SSBP4: variants seen among roughly 807,000 people sequenced by gnomAD.
SSBP4 encodes single-stranded DNA-binding protein 4.
In SSBP4, 33 loss-of-function variants were observed where a neutral mutation model predicts 64.6. The observed-to-expected ratio is 0.51, with a 90% CI of 0.39 to 0.68. The LOEUF (loss-of-function observed/expected upper bound fraction) is 0.68, where lower values mean the gene tolerates loss of function less well. Ranked by LOEUF, SSBP4 falls within the 30% of genes least tolerant of loss-of-function variation. The probability of loss-of-function intolerance (pLI) is 0.00; values close to 1 mark genes in which losing one functional copy is unlikely to be tolerated. For missense variants in SSBP4, 583 were observed against 566.8 expected (o/e 1.03, Z -0.29); for synonymous variants, 243 against 224.0 (o/e 1.08, Z -0.76).
At chr19:18,422,439 A>G (rs1239290253) in intron 1 of SSBP4, among the ~76,000 whole-genome samples, 4 of 152,130 alleles carry the variant, frequency 2.6e-5, no homozygotes, top group Non-Finnish European at 4.4e-5. Context: ...GCATGCTTCC[A>G]TTTCACGGAG....
the SSBP4 span, among the ~76,000 whole-genome samples, chr19:18,403,409 C>T: frequency 6.6e-6 from 1 of 152,204 alleles, no homozygotes; most frequent in East Asian, 1.9e-4. Flanking sequence ...TTCTCAGTCT[C>T]TCATTCCACC....
the SSBP4 span, among the ~76,000 whole-genome samples, chr19:18,412,860 C>T: frequency 1.3e-5 from 2 of 152,144 alleles, no homozygotes; most frequent in African/African-American, 2.4e-5. Flanking sequence ...GCTGGGTGCA[C>T]GGTAGCTGGG....
intron 4 of SSBP4, among the ~76,000 whole-genome samples, chr19:18,429,476 G>C (rs1288480226): frequency 2.6e-5 from 4 of 151,836 alleles, no homozygotes; most frequent in Admixed American, 2.0e-4. Context: ...GGGGCGGGGG[G>C]GGGGTGCGGT....
rs1973579456 is a variant in SSBP4 at position 18,433,030 on chromosome 19, C to T, written c.899C>T (p.Ala300Val). The T allele has an allele frequency of 1.2e-6, 2 of 1,614,010 alleles. No homozygotes were observed. The highest frequency in any genetic ancestry group is 2.7e-5 in the African/African-American group (2 of 74,950). ...YTIMNPIGQG[A>V]GRANFPLGPG... Reference sequence around the variant, plus strand: ...ATCATGAACCCCATCGGGCAGGGCGCCGGCAGGGCTAATGTGAGTGGGGGC... The same window carrying T: ...ATCATGAACCCCATCGGGCAGGGCGTCGGCAGGGCTAATGTGAGTGGGGGC... The change falls in exon 14 of 18, where the codon GCC becomes GTC. Residue 300 changes from alanine (A) to valine (V), a missense_variant. Coordinates refer to ENST00000270061, the MANE Select transcript of SSBP4 (RefSeq NM_032627.5).
intron 1 of SSBP4, among the ~76,000 whole-genome samples, chr19:18,421,952 G>A (rs1165809638): frequency 2.0e-5 from 3 of 152,316 alleles, no homozygotes; most frequent in South Asian, 2.1e-4. Flanking sequence ...TTTGAGGTCA[G>A]GAGTTCGAGA....
chr19:18,432,192 C>T lies in SSBP4; in HGVS notation c.682C>T (p.Pro228Ser), dbSNP rs764781163. Residue 228 changes from proline to serine, a missense_variant, in exon 10 of 18, where the codon CCA becomes TCA. Coordinates refer to ENST00000270061, the MANE Select transcript of SSBP4 (RefSeq NM_032627.5). ...ACCCCCACCCAACTCCCTCGCCGGC[C>T]CAGGCCTGCCTGCCATGAACATGTA... ...MRPPPNSLAG[P>S]GLPAMNMGPG... is the part of the protein sequence containing the mutation. The T allele has an allele frequency of 2.5e-6, 4 of 1,613,136 alleles. No individual in the cohort carries two copies. Among genetic ancestry groups the T allele is most frequent in the Non-Finnish European group, 2.5e-6 (3 of 1,179,980 alleles).
chr19:18,418,113 G>C (rs970165195), upstream of SSBP4, among the ~76,000 whole-genome samples: 12 of 152,206 alleles, frequency 7.9e-5, no homozygotes, highest in Admixed American at 6.5e-4. This position sits in a 1 kb window ranked among gnomAD's most constrained non-coding sequence, Gnocchi z 6.7. Context: ...GGCCCGACTC[G>C]GACCCACAAC....
chr19:18,407,068 G>A, the SSBP4 span, among the ~76,000 whole-genome samples: 18 of 151,686 alleles, frequency 1.2e-4, no homozygotes, highest in African/African-American at 2.7e-4. Flanking sequence ...ATGGAGTCTC[G>A]CTCTGTCTCC....
chr19:18,404,256 C>T, the SSBP4 span, among the ~76,000 whole-genome samples: 1 of 151,768 alleles, frequency 6.6e-6, no homozygotes, highest in African/African-American at 2.4e-5. Flanking sequence ...TCCCCAGAGA[C>T]CCTCAGAGAC....
chr19:18,425,235 A>T (rs1972763074), intron 1 of SSBP4, among the ~76,000 whole-genome samples: 1 of 151,974 alleles, frequency 6.6e-6, no homozygotes, highest in African/African-American at 2.4e-5. Context: ...GGCCTTTTGG[A>T]CAGCCGTGCC....
chr19:18,405,633 A>G, the SSBP4 span, among the ~76,000 whole-genome samples: 1 of 151,920 alleles, frequency 6.6e-6, no homozygotes, highest in East Asian at 1.9e-4. Flanking sequence ...CTCAGCCTCC[A>G]GAGTAGCTGG....
At chr19:18,421,722 G>A (rs1005242861) in intron 1 of SSBP4, among the ~76,000 whole-genome samples, 1 of 152,244 alleles carries the variant, frequency 6.6e-6, no homozygotes, top group Non-Finnish European at 1.5e-5. Context: ...GGTGGAGGAA[G>A]AGGCAGCCTG....
intron 16 of SSBP4, 23 bp downstream of exon 16, chr19:18,433,636 G>T (rs1179673930): frequency 4.7e-6 from 7 of 1,476,664 alleles, no homozygotes; most frequent in Admixed American, 5.0e-5. Context: ...CGCTCTTGCC[G>T]GGGGTGGGAT....
intron 15 of SSBP4, 45 bp downstream of exon 15, chr19:18,433,258 G>A: frequency 6.5e-6 from 10 of 1,534,076 alleles, no homozygotes; most frequent in Non-Finnish European, 8.8e-6. Flanking sequence ...TTCCGGGCCC[G>A]TGCGCTCCCT....
rs1389415470 is a variant in SSBP4 at position 18,426,840 on chromosome 19, A to G, written c.60-511A>G. Reference sequence around the variant, plus strand: ...CCCTGACTGGGGACAGTCTGCAGAAAGGGTTGAGGCCACCATGGTGGATGG... The same window carrying G: ...CCCTGACTGGGGACAGTCTGCAGAAGGGGTTGAGGCCACCATGGTGGATGG... On this transcript the variant is annotated intron_variant, in intron 1 of 17. Transcript: ENST00000270061. This position sits in a 1 kb window ranked among gnomAD's most constrained non-coding sequence, Gnocchi z 4.5. Among the ~76,000 whole-genome samples, 1 of 152,110 alleles carries G rather than the reference A, an allele frequency of 6.6e-6. No homozygotes were observed. The highest frequency in any genetic ancestry group is 1.9e-4 in the East Asian group (1 of 5,200).
intron 16 of SSBP4, 47 bp downstream of exon 16, chr19:18,433,660 C>CGGGGGGGGGGGGGG: frequency 1.6e-6 from 1 of 640,128 alleles, no homozygotes; most frequent in Non-Finnish European, 1.9e-6. Context: ...GGGGGGGTGG[C>CGGGGGGGGGGGGGG]GGGGAGGGGG....
chr19:18,408,544 G>A, the SSBP4 span, among the ~76,000 whole-genome samples: 1 of 151,048 alleles, frequency 6.6e-6, no homozygotes, highest in Non-Finnish European at 1.5e-5. Flanking sequence ...CCAGGCTGGT[G>A]TGCAGTGGCA....
Position 18,431,794 on chromosome 19 carries a change from C to T in SSBP4, c.497C>T (p.Pro166Leu), listed in dbSNP as rs1973409032. The change falls in exon 8 of 18, where the codon CCT (proline) becomes CTT (leucine). Residue 166 changes from proline (P) to leucine (L), a missense_variant and splice_region_variant. By Grantham distance (98) the Pro-to-Leu change is moderately conservative. Transcript: ENST00000270061. ...PRPTLRMPSQ[P>L]PAGLPGSQPL... is the part of the protein sequence containing the mutation. ...AGTGCCGCCGCACCCCCTCCGCAGC[C>T]TCCCGCAGGCCTCCCTGGCTCCCAG... is the stretch of plus-strand genomic sequence containing the variant. 1.3e-6 allele frequency: 2 copies of T among 1,556,364 alleles called. No individual in the cohort carries two copies. Among genetic ancestry groups the T allele is most frequent in the East Asian group, 4.8e-5 (2 of 41,500 alleles).
the SSBP4 span, among the ~76,000 whole-genome samples, chr19:18,408,985 T>C: frequency 8.6e-5 from 13 of 152,002 alleles, no homozygotes; most frequent in Admixed American, 7.9e-4. Context: ...GCTAATTTTT[T>C]GATTTTTTGT....
Sources: allele counts gnomAD v4.1 joint callset (sites outside exome capture counted in the v4.1 genomes callset), GRCh38; gene constraint gnomAD v4.1.1; non-coding constraint Gnocchi (gnomAD v3.1); transcripts MANE v1.5; gene names NCBI Gene and HGNC (gene_info 2026-07-23, HGNC 2026-07-21).